DMD: variants seen among roughly 807,000 people sequenced by gnomAD.
DMD encodes the protein mutant dystrophin.
Under a neutral mutation model 330.1 loss-of-function variants are expected in DMD, and 63 were observed. The observed-to-expected ratio is 0.19, with a 90% CI of 0.16 to 0.24. DMD has a LOEUF of 0.24. DMD is among the 10% of genes least tolerant of loss of function. The pLI is 1.00. For synonymous variants in DMD, 1,223 were observed against 959.8 expected (o/e 1.27, Z -5.07); for missense variants, 3,344 against 2,684.1 (o/e 1.25, Z -5.43).
chrX:32,487,422 T>C (rs960410407), intron 20 of DMD, among the ~76,000 whole-genome samples: 1 of 111,183 alleles, frequency 9.0e-6, no homozygotes, highest in Non-Finnish European at 1.9e-5. Context: ...AATTTAAAAA[T>C]TGGAACATGA....
chrX:33,057,715 T>C (rs770264764), intron 1 of DMD, among the ~76,000 whole-genome samples: 4 of 111,949 alleles, frequency 3.6e-5, no homozygotes, highest in Non-Finnish European at 7.5e-5. Flanking sequence ...TCATTATAGA[T>C]AACTTTGGCC....
chrX:32,394,916 C>CAAAAAAAAAA (rs72234458), intron 30 of DMD, among the ~76,000 whole-genome samples: 1 of 39,045 alleles, frequency 2.6e-5, no homozygotes, highest in African/African-American at 7.8e-5. Context: ...AACAAAAAAA[C>CAAAAAAAAAA]AAAAAAAAAA....
chrX:32,481,841 T>C (rs1371529567), intron 21 of DMD, among the ~76,000 whole-genome samples: 2 of 112,103 alleles, frequency 1.8e-5, no homozygotes, highest in Non-Finnish European at 3.8e-5. Context: ...TTCTCCACCA[T>C]GTATATTACC....
intron 52 of DMD, among the ~76,000 whole-genome samples, chrX:31,699,473 G>A (rs956683165): frequency 3.6e-5 from 4 of 112,106 alleles, no homozygotes; most frequent in African/African-American, 1.3e-4. Flanking sequence ...CTACATGTCA[G>A]TTAAAGGAAA....
At chrX:31,976,789 T>C (rs898374620) in intron 44 of DMD, among the ~76,000 whole-genome samples, 3 of 111,900 alleles carry the variant, frequency 2.7e-5, no homozygotes, top group Non-Finnish European at 5.6e-5. Flanking sequence ...TTCTATTCTG[T>C]GTTCACAAGA....
intron 2 of DMD, among the ~76,000 whole-genome samples, chrX:32,856,972 G>A (rs1326761201): frequency 9.1e-6 from 1 of 110,335 alleles, no homozygotes; most frequent in Non-Finnish European, 1.9e-5. Flanking sequence ...CTACTTGGGA[G>A]GCTGAGGCAG....
intron 50 of DMD, among the ~76,000 whole-genome samples, chrX:31,806,011 G>C (rs1373069593): frequency 8.9e-6 from 1 of 111,818 alleles, no homozygotes; most frequent in African/African-American, 3.2e-5. Flanking sequence ...ACTGCCTATG[G>C]CTGCTTTGCA....
At chrX:31,232,848 G>A (rs1469169281) in intron 63 of DMD, among the ~76,000 whole-genome samples, 2 of 111,983 alleles carry the variant, frequency 1.8e-5, no homozygotes, top group Non-Finnish European at 3.8e-5. Flanking sequence ...CATCCTGAAA[G>A]AAAGTAAATC....
intron 4 of DMD, among the ~76,000 whole-genome samples, chrX:32,830,296 GTTT>G (rs202164779): frequency 6.5e-5 from 7 of 108,486 alleles, no homozygotes; most frequent in South Asian, 3.9e-4. Context: ...TCTCTTTTAT[GTTT>G]TTTTTTCTAA....
At chrX:33,261,931 A>G (rs996960538) in intron 1 of DMD, among the ~76,000 whole-genome samples, 18 of 101,235 alleles carry the variant, frequency 1.8e-4, no homozygotes, top group Non-Finnish European at 3.1e-4. Context: ...GAAAACCACC[A>G]CCACCACCAC....
At chrX:32,736,484 T>C (rs1318714183) in intron 7 of DMD, among the ~76,000 whole-genome samples, 4 of 110,267 alleles carry the variant, frequency 3.6e-5, no homozygotes, top group Admixed American at 9.7e-5. Flanking sequence ...TATTGCGGCA[T>C]TATTCACGAT....
chrX:32,750,528 T>G (rs1164887439), intron 7 of DMD, among the ~76,000 whole-genome samples: 1 of 111,180 alleles, frequency 9.0e-6, no homozygotes, highest in African/African-American at 3.3e-5. Flanking sequence ...CTTCCCTGTG[T>G]CAGGTTTTGG....
At position 32,210,718 on chromosome X, in the gene DMD, A is replaced by T. The variant is rs751146785; in HGVS notation, c.6438+6198T>A. On this transcript the variant is annotated intron_variant, in intron 44 of 78. Transcript: ENST00000357033. ...CGAAAACTCATTCTCTGTAGCAGAT[A>T]CTGTCAGTGACCTATGCACATCTAT... Among the ~76,000 whole-genome samples the T allele has an allele frequency of 2.7e-5, 3 of 111,841 alleles. No individual in the cohort carries two copies. The South Asian group carries it at 1.1e-3, about 42-fold the overall frequency.
intron 72 of DMD, 84 bp from the exon 73 acceptor site, chrX:31,172,497 A>G (rs2040093059): frequency 1.4e-6 from 1 of 722,858 alleles, no homozygotes; most frequent in African/African-American, 2.1e-5. Context: ...CCTGAAAACT[A>G]AAGGATAAAT....
intron 47 of DMD, among the ~76,000 whole-genome samples, chrX:31,910,443 C>T (rs769841014): frequency 5.3e-5 from 6 of 112,262 alleles, no homozygotes; most frequent in Non-Finnish European, 5.6e-5. Context: ...ACCTAACACA[C>T]TGAGGAATCT....
intron 1 of DMD, among the ~76,000 whole-genome samples, chrX:33,265,573 G>C (rs923729609): frequency 2.7e-5 from 3 of 111,188 alleles, no homozygotes; most frequent in Non-Finnish European, 5.7e-5. Context: ...TGATTCCATA[G>C]CATCAACAAA....
chrX:32,698,400 T>C (rs2063815163), intron 8 of DMD, among the ~76,000 whole-genome samples: 1 of 111,628 alleles, frequency 9.0e-6, no homozygotes, highest in African/African-American at 3.3e-5. Context: ...CATAAGCTAA[T>C]ACAGAGCTAG....
At chrX:33,012,443 A>G (rs1487192880) in intron 2 of DMD, among the ~76,000 whole-genome samples, 1 of 112,068 alleles carries the variant, frequency 8.9e-6, no homozygotes, top group Non-Finnish European at 1.9e-5. Context: ...AGTAGTAGAA[A>G]TAAAAAGCAA....
Position 32,123,838 on chromosome X carries a change from G to A in DMD, c.6438+93078C>T, listed in dbSNP as rs907764552. Among the ~76,000 whole-genome samples, 11 of 112,060 alleles carry A rather than the reference G, an allele frequency of 9.8e-5. No individual in the cohort carries two copies. The East Asian group carries it at 2.8e-3, about 29-fold the overall frequency. On this transcript the variant is annotated intron_variant, in intron 44 of 78. Transcript: ENST00000357033. ...GAAATAGACTGTACACTTTATTCTC[G>A]ATTGGTAGAAATTTTATGGTGTAAT... is the stretch of plus-strand genomic sequence containing the variant.
Sources: allele counts gnomAD v4.1 joint callset (sites outside exome capture counted in the v4.1 genomes callset), GRCh38; gene constraint gnomAD v4.1.1; transcripts MANE v1.5; gene names NCBI Gene and HGNC (gene_info 2026-07-23, HGNC 2026-07-21).